Variants in GPR137 observed in about 807,000 individuals in gnomAD.
GPR137 encodes the protein integral membrane protein GPR137.
In GPR137, 20 loss-of-function variants were observed where a neutral mutation model predicts 38.9. The observed-to-expected ratio is 0.51, with a 90% CI of 0.36 to 0.75. The LOEUF is 0.75. Ranked by LOEUF, GPR137 falls within the 30% of genes least tolerant of loss-of-function variation. The pLI, the probability that GPR137 is intolerant of heterozygous loss-of-function variation, is 0.00. For synonymous variants in GPR137, 226 were observed against 235.8 expected (o/e 0.96, Z 0.38); for missense variants, 456 against 526.4 (o/e 0.87, Z 1.31).
upstream of GPR137, chr11:64,285,842 G>A: frequency 1.0e-6 from 1 of 985,116 alleles, no homozygotes; most frequent in Non-Finnish European, 1.2e-6. Context: ...GGAGGGGGAG[G>A]GGGGCGGAGC....
chr11:64,282,162 G>A (rs1255825689), upstream of GPR137, among the ~76,000 whole-genome samples: 4 of 152,164 alleles, frequency 2.6e-5, no homozygotes, highest in Non-Finnish European at 5.9e-5. Context: ...TGGGTTCACC[G>A]AGGCCCCCTA....
upstream of GPR137, chr11:64,284,253 C>G: frequency 3.7e-6 from 6 of 1,611,022 alleles, no homozygotes; most frequent in Non-Finnish European, 5.1e-6. Context: ...TGGGGCCTGG[C>G]GATGATGCTT....
chr11:64,288,291 A>G lies in GPR137; in HGVS notation c.784-49A>G. 1 of 1,611,866 alleles carries G rather than the reference A, an allele frequency of 6.2e-7. No individual in the cohort carries two copies. Among genetic ancestry groups the G allele is most frequent in the Non-Finnish European group, 8.5e-7 (1 of 1,179,312 alleles). ...CAGCTGGCCTGGGCCCTGTCCCACT[A>G]CCCCTTTGGCGTGACTGCAGACTGG... On this transcript the variant is annotated intron_variant, in intron 4 of 6. Transcript: ENST00000438980. The surrounding 1 kb of genome is among the most constrained non-coding windows in gnomAD (Gnocchi z 5.5).
upstream of GPR137, chr11:64,271,501 G>A: frequency 8.8e-7 from 1 of 1,138,112 alleles, no homozygotes; most frequent in Non-Finnish European, 1.1e-6. Context: ...GACGGCTTTG[G>A]GGAGGGGTCG....
chr11:64,284,483 G>A, upstream of GPR137: 1 of 1,587,242 alleles, frequency 6.3e-7, no homozygotes, highest in Non-Finnish European at 8.5e-7. Context: ...AGCGCCCCCA[G>A]GCCCGCCAGG....
Position 64,288,029 on chromosome 11 carries a change from C to T in GPR137, c.634-36C>T. 3 of 1,606,006 alleles carry T rather than the reference C, an allele frequency of 1.9e-6. No homozygotes were observed. Among genetic ancestry groups the T allele is most frequent in the Non-Finnish European group, 1.7e-6 (2 of 1,179,908 alleles). On this transcript the variant is annotated intron_variant, in intron 3 of 6. Coordinates refer to ENST00000438980, the MANE Select transcript of GPR137 (RefSeq NM_001170880.2). The surrounding 1 kb of genome is among the most constrained non-coding windows in gnomAD (Gnocchi z 5.5). ...GGGTGTAGAGGAAGCTGGGAGCCTTCTCTCCCTGAGGGTCCTCTGTTGTTA... is the reference window on the plus strand; with the variant it reads ...GGGTGTAGAGGAAGCTGGGAGCCTTTTCTCCCTGAGGGTCCTCTGTTGTTA...
At chr11:64,275,854 C>G (rs137985825) in intron 1 of GPR137, 1 of 151,952 alleles carries the variant, frequency 6.6e-6, no homozygotes, top group Non-Finnish European at 1.5e-5. Flanking sequence ...GGTGGATGGT[C>G]GGAAGCCCTC....
chr11:64,277,271 C>T (rs2033139617), intron 2 of GPR137, among the ~76,000 whole-genome samples: 1 of 152,294 alleles, frequency 6.6e-6, no homozygotes, highest in African/African-American at 2.4e-5. Context: ...TGCTGCCACC[C>T]CACCCTGGGC....
rs772979218 is a variant in GPR137 at position 64,288,329 on chromosome 11, C to A, written c.784-11C>A. 3.7e-5 allele frequency: 59 copies of A among 1,613,534 alleles called. No homozygotes were observed. The South Asian group carries it at 6.0e-4, about 17-fold the overall frequency. On this transcript the variant is annotated splice_polypyrimidine_tract_variant and intron_variant, in intron 4 of 6. Transcript: ENST00000438980. The surrounding 1 kb of genome is among the most constrained non-coding windows in gnomAD (Gnocchi z 5.5). ...GACTGCAGACTGGCACCAGCCCCTG[C>A]CTTCCCACAGGCGGACCTGGTGAAT...
chr11:64,272,503 C>T (rs969064994), upstream of GPR137, among the ~76,000 whole-genome samples: 4 of 152,164 alleles, frequency 2.6e-5, no homozygotes, highest in Non-Finnish European at 2.9e-5. Context: ...ACCTGCAGAG[C>T]CCCTGGAGAA....
At chr11:64,285,683 C>T (rs2033898281), upstream of GPR137, 2 of 985,140 alleles carry the variant, frequency 2.0e-6, no homozygotes, top group Non-Finnish European at 2.4e-6. Flanking sequence ...ACTCGGCCGC[C>T]CTCCTGCCGC....
At position 64,288,983 on chromosome 11, in the gene GPR137, T is replaced by TG; in HGVS notation, c.1032-53dup. 6.8e-7 allele frequency: 1 copy of TG among 1,471,734 alleles called. No homozygotes were observed. Among genetic ancestry groups the TG allele is most frequent in the Non-Finnish European group, 9.0e-7 (1 of 1,112,984 alleles). The allele number at this position is 1,471,734 out of a possible 1,614,324, so 91.2% of individuals were successfully genotyped here. A position where few individuals can be genotyped will look rare whatever the true frequency, so the allele number is the denominator to read the frequency against. On this transcript the variant is annotated intron_variant, in intron 6 of 6. Coordinates refer to ENST00000438980, the MANE Select transcript of GPR137 (RefSeq NM_001170880.2). The surrounding 1 kb of genome is among the most constrained non-coding windows in gnomAD (Gnocchi z 5.5). ...AAGCCTGTCTTCCTCCTGCAGCTCT[T>TG]GTGACTGTGGCCCTGGTCACTGTCC...
rs761291894 is a variant in GPR137 at position 64,288,675 on chromosome 11, G to A, written c.985G>A (p.Glu329Lys). 2.5e-6 allele frequency: 4 copies of A among 1,592,826 alleles called. No homozygotes were observed. The highest frequency in any genetic ancestry group is 1.7e-6 in the Non-Finnish European group (2 of 1,168,332). ...SYFFDRAGHC[E>K]DEGCSWEHSR... is the part of the protein sequence containing the mutation. ...CTTCTTTGACCGGGCTGGGCACTGT[G>A]AAGATGAGGGCTGCTCCTGGGAGCA... is the stretch of plus-strand genomic sequence containing the variant. The change falls in exon 6 of 7, where the codon GAA becomes AAA. Residue 329 changes from glutamate (E) to lysine (K), a missense_variant. Transcript: ENST00000438980. This position sits in a 1 kb window ranked among gnomAD's most constrained non-coding sequence, Gnocchi z 5.5.
Position 64,288,300 on chromosome 11 carries a change from G to T in GPR137, c.784-40G>T. The T allele has an allele frequency of 6.2e-7, 1 of 1,612,866 alleles. No homozygotes were observed. Among genetic ancestry groups the T allele is most frequent in the Non-Finnish European group, 8.5e-7 (1 of 1,179,792 alleles). ...TGGGCCCTGTCCCACTACCCCTTTGGCGTGACTGCAGACTGGCACCAGCCC... is the reference window on the plus strand; with the variant it reads ...TGGGCCCTGTCCCACTACCCCTTTGTCGTGACTGCAGACTGGCACCAGCCC... On this transcript the variant is annotated intron_variant, in intron 4 of 6. Transcript: ENST00000438980. The surrounding 1 kb of genome is among the most constrained non-coding windows in gnomAD (Gnocchi z 5.5).
At chr11:64,279,946 G>A (rs1365458911), upstream of GPR137, among the ~76,000 whole-genome samples, 1 of 151,944 alleles carries the variant, frequency 6.6e-6, no homozygotes, top group Non-Finnish European at 1.5e-5. Flanking sequence ...CACTTTGTGA[G>A]GCCAAGGTGG....
chr11:64,272,080 A>G (rs1225453388), upstream of GPR137, among the ~76,000 whole-genome samples: 2 of 152,246 alleles, frequency 1.3e-5, no homozygotes, highest in Non-Finnish European at 2.9e-5. Context: ...AAATAAGGGC[A>G]TAAGAAATAC....
chr11:64,283,216 A>G (rs1321650714), upstream of GPR137, among the ~76,000 whole-genome samples: 1 of 152,202 alleles, frequency 6.6e-6, no homozygotes, highest in Admixed American at 6.6e-5. Context: ...GCAGTGCCAG[A>G]GTGACATGAC....
chr11:64,284,826 C>A (rs979318645), upstream of GPR137: 235 of 1,521,882 alleles, frequency 1.5e-4, no homozygotes, highest in Non-Finnish European at 1.9e-4. Context: ...CAAGGCTCCT[C>A]GTCCGCATCC....
At chr11:64,270,536 C>T in exon 1 of GPR137, 1 of 761,036 alleles carries the variant, frequency 1.3e-6, no homozygotes, top group Non-Finnish European at 2.2e-6. Flanking sequence ...TGGTTAGATC[C>T]CAGGAACTCC....
Sources: allele counts gnomAD v4.1 joint callset (sites outside exome capture counted in the v4.1 genomes callset), GRCh38; gene constraint gnomAD v4.1.1; non-coding constraint Gnocchi (gnomAD v3.1); transcripts MANE v1.5; gene names NCBI Gene and HGNC (gene_info 2026-07-23, HGNC 2026-07-21).